CTPS1: variants seen among roughly 807,000 people sequenced by gnomAD.
The protein encoded by CTPS1 is CTP synthase 1.
A neutral mutation model predicts 80.5 loss-of-function variants in CTPS1; 25 were observed. The ratio of observed to expected loss-of-function variants is 0.31; its 90% CI spans 0.23 to 0.43. The LOEUF is 0.43. Ranked by LOEUF, CTPS1 falls within the 20% of genes least tolerant of loss-of-function variation. The pLI is 1.00. For missense variants in CTPS1, 442 were observed against 725.7 expected, an observed-to-expected ratio of 0.61 and a Z score of 4.49; for synonymous variants, 267 against 252.5, an observed-to-expected ratio of 1.06 and a Z score of -0.54.
intron 17 of CTPS1, 104 bp downstream of exon 17, chr1:41,009,693 A>T (rs75678913): frequency 7.1e-6 from 10 of 1,406,018 alleles, no homozygotes; most frequent in Admixed American, 4.3e-5. Context: ...AAGAAAAAAA[A>T]GCCACAGGCG....
Position 41,006,107 on chromosome 1 carries a change from T to C in CTPS1, c.1296+13T>C, listed in dbSNP as rs547375693. ...CAGTCATCCCGTGGTGAGTCAAGTGTTTGAACCTCCACAGGGCTTAGAAGG... is the reference window on the plus strand; with the variant it reads ...CAGTCATCCCGTGGTGAGTCAAGTGCTTGAACCTCCACAGGGCTTAGAAGG... On this transcript the variant is annotated intron_variant, in intron 13 of 18. Coordinates refer to ENST00000650070, the MANE Select transcript of CTPS1 (RefSeq NM_001905.4). 1.2e-6 allele frequency: 2 copies of C among 1,610,532 alleles called. No homozygotes were observed. Among genetic ancestry groups the C allele is most frequent in the East Asian group, 4.5e-5 (2 of 44,866 alleles).
At chr1:40,983,781 C>T in intron 2 of CTPS1, among the ~76,000 whole-genome samples, 1 of 152,118 alleles carries the variant, frequency 6.6e-6, no homozygotes, top group Non-Finnish European at 1.5e-5. Flanking sequence ...AATCACCATG[C>T]CTGGCTAATT....
At chr1:40,986,231 G>C (rs902998386) in intron 3 of CTPS1, among the ~76,000 whole-genome samples, 10 of 152,258 alleles carry the variant, frequency 6.6e-5, no homozygotes, top group African/African-American at 2.4e-4. Flanking sequence ...CTTTGGGCAG[G>C]TGGTCGGGGA....
chr1:40,981,374 G>A (rs1651889800), intron 1 of CTPS1: 1 of 152,234 alleles, frequency 6.6e-6, no homozygotes, highest in Admixed American at 6.5e-5. Context: ...AACTCTTAGA[G>A]TAAAATTGGG....
intron 6 of CTPS1, 45 bp from the exon 7 acceptor site, chr1:40,991,720 G>T: frequency 2.1e-6 from 3 of 1,399,880 alleles, no homozygotes; most frequent in Non-Finnish European, 3.0e-6. Context: ...CCCTACTTCT[G>T]TCATTTTTTC....
At chr1:41,003,079 TG>T in intron 11 of CTPS1, 34 bp from the exon 12 acceptor site, 7 of 1,612,186 alleles carry the variant, frequency 4.3e-6, no homozygotes, top group Non-Finnish European at 5.9e-6. Flanking sequence ...GCCTTTTCAA[TG>T]GAGTTTTGTT....
chr1:41,001,915 A>G (rs957377261), intron 10 of CTPS1, among the ~76,000 whole-genome samples: 1 of 152,268 alleles, frequency 6.6e-6, no homozygotes, highest in African/African-American at 2.4e-5. Flanking sequence ...CAGTGGCAGT[A>G]TTACAATTAT....
intron 1 of CTPS1, 139 bp from the exon 2 acceptor site, chr1:40,983,139 C>A: frequency 1.6e-6 from 1 of 638,818 alleles, no homozygotes; most frequent in Non-Finnish European, 2.6e-6. Flanking sequence ...CTGACGAGAA[C>A]CTTCTGAAGT....
Position 40,984,817 on chromosome 1 carries a change from G to C in CTPS1, c.167-4G>C. The C allele has an allele frequency of 1.3e-6, 2 of 1,547,434 alleles. No individual in the cohort carries two copies. Among genetic ancestry groups the C allele is most frequent in the Non-Finnish European group, 1.8e-6 (2 of 1,138,220 alleles). On this transcript the variant is annotated splice_region_variant and splice_polypyrimidine_tract_variant and intron_variant, in intron 2 of 18. Coordinates refer to ENST00000650070, the MANE Select transcript of CTPS1 (RefSeq NM_001905.4). Reference sequence around the variant, plus strand: ...AACGTAAATGGTTTCTCTGTTCACTGCAGGTGAGGTTTTTGTGCTGGATGA... The same window carrying C: ...AACGTAAATGGTTTCTCTGTTCACTCCAGGTGAGGTTTTTGTGCTGGATGA...
chr1:41,001,343 C>T (rs534624385), intron 10 of CTPS1, among the ~76,000 whole-genome samples: 2 of 152,200 alleles, frequency 1.3e-5, no homozygotes, highest in African/African-American at 4.8e-5. Context: ...CCATATGCAT[C>T]TATTGATGAG....
In CTPS1 at chr1:41,012,097, G is replaced by A. The variant is rs1020313419; in HGVS notation, c.*449G>A. The A allele has an allele frequency of 6.6e-6, 1 of 152,212 alleles. No homozygotes were observed. The highest frequency in any genetic ancestry group is 2.4e-5 in the African/African-American group (1 of 41,442). The allele number at this position is 152,212 out of a possible 1,614,324, so 9.4% of individuals were successfully genotyped here. A position where few individuals can be genotyped will look rare whatever the true frequency, so the allele number is the denominator to read the frequency against. On this transcript the variant is annotated 3_prime_UTR_variant, in exon 19 of 19. Coordinates refer to ENST00000650070, the MANE Select transcript of CTPS1 (RefSeq NM_001905.4). ...AACACTTGGTGCTGGGAACCTCAGG[G>A]TATTGCTTGCCACTAAGCCATGAAA...
intron 9 of CTPS1, chr1:41,000,791 G>A (rs778632640): frequency 8.1e-6 from 2 of 246,818 alleles, no homozygotes; most frequent in Non-Finnish European, 1.5e-5. Flanking sequence ...GAAAGAGAGA[G>A]ATTTGGGAAT....
At position 40,992,313 on chromosome 1, in the gene CTPS1, G is replaced by A. The variant is rs190552576; in HGVS notation, c.720+468G>A. Among the ~76,000 whole-genome samples the A allele has an allele frequency of 5.3e-5, 8 of 152,252 alleles. No homozygotes were observed. In the East Asian group the frequency reaches 5.8e-4, roughly 11 times the overall value. ...CTTCACTGGGCTCCTGTGTGGTGTC[G>A]CATGTATGCTGCTGATGGGCCCATC... On this transcript the variant is annotated intron_variant, in intron 7 of 18. Coordinates refer to ENST00000650070, the MANE Select transcript of CTPS1 (RefSeq NM_001905.4).
At position 40,988,608 on chromosome 1, in the gene CTPS1, G is replaced by C. The variant is rs745918544; in HGVS notation, c.453G>C (p.Val151=). ...TGTTCTTCTAGCTTGGTGGAACCGT[G>C]GGGGACATAGAAAGCATGCCCTTTA... ...QVCVIELGGT[V]GDIESMPFIE... is the part of the protein sequence containing the mutation. Residue 151 remains valine (V), a synonymous_variant, in exon 5 of 19, where the codon GTG becomes GTC. Coordinates refer to ENST00000650070, the MANE Select transcript of CTPS1 (RefSeq NM_001905.4). 5 of 1,613,598 alleles carry C rather than the reference G, an allele frequency of 3.1e-6. No homozygotes were observed. Among genetic ancestry groups the C allele is most frequent in the Middle Eastern group, 1.6e-4 (1 of 6,062 alleles).
At chr1:40,984,389 A>G (rs1298772601) in intron 2 of CTPS1, among the ~76,000 whole-genome samples, 4 of 152,258 alleles carry the variant, frequency 2.6e-5, no homozygotes, top group Non-Finnish European at 5.9e-5. Flanking sequence ...GCTGATTTTT[A>G]TAATCAGCAC....
chr1:40,987,599 G>A, intron 4 of CTPS1, 127 bp downstream of exon 4: 1 of 591,910 alleles, frequency 1.7e-6, no homozygotes, highest in Non-Finnish European at 2.9e-6. Context: ...TTGCAATGTG[G>A]CAGGTAAGGG....
Position 41,004,513 on chromosome 1 carries a change from C to T in CTPS1, c.1252+1337C>T, listed in dbSNP as rs116702790. Among the ~76,000 whole-genome samples the T allele has an allele frequency of 3.0e-3, 461 of 152,296 alleles. 1 individual carries two copies. The highest frequency in any genetic ancestry group is 0.01 in the African/African-American group (431 of 41,554). On this transcript the variant is annotated intron_variant, in intron 12 of 18. Coordinates refer to ENST00000650070, the MANE Select transcript of CTPS1 (RefSeq NM_001905.4). Reference sequence around the variant, plus strand: ...GACCTCTGCCTCTCACTTAGGTTCCCAAATGGGTAGGTGCTTTGGTGATGA... The same window carrying T: ...GACCTCTGCCTCTCACTTAGGTTCCTAAATGGGTAGGTGCTTTGGTGATGA...
At chr1:40,993,594 C>T (rs1642671752) in intron 7 of CTPS1, among the ~76,000 whole-genome samples, 1 of 152,192 alleles carries the variant, frequency 6.6e-6, no homozygotes. Flanking sequence ...TTGCTTCAGT[C>T]TTCCAAAATG....
At chr1:40,989,826 C>G (rs1642555756) in intron 5 of CTPS1, among the ~76,000 whole-genome samples, 1 of 151,950 alleles carries the variant, frequency 6.6e-6, no homozygotes, top group African/African-American at 2.4e-5. Context: ...GAAAAGAATC[C>G]TTGGAAATTA....
Sources: gnomAD v4.1 joint callset for allele counts (sites outside exome capture counted in the v4.1 genomes callset) on GRCh38, gnomAD v4.1.1 for gene constraint, MANE v1.5 for transcripts, NCBI Gene and HGNC (gene_info 2026-07-23, HGNC 2026-07-21) for gene names.